C12orf50: variants seen among roughly 807,000 people sequenced by gnomAD.
C12orf50 encodes zinc finger CCCH-type containing 11D.
In C12orf50, 35 loss-of-function variants were observed where a neutral mutation model predicts 61.6. That is an observed-to-expected ratio of 0.57 (90% CI 0.43 to 0.75). C12orf50 has a LOEUF of 0.75. Among genes scored for constraint, C12orf50 ranks in the 30% least tolerant of loss-of-function variants. The probability of loss-of-function intolerance (pLI) is 0.00; values close to 1 mark genes in which losing one functional copy is unlikely to be tolerated. For synonymous variants in C12orf50, 178 were observed against 161.5 expected, an observed-to-expected ratio of 1.10 and a Z score of -0.77; for missense variants, 475 against 488.5, an observed-to-expected ratio of 0.97 and a Z score of 0.26.
At chr12:88,006,101 A>G (rs909358539) in intron 3 of C12orf50, among the ~76,000 whole-genome samples, 2 of 151,994 alleles carry the variant, frequency 1.3e-5, no homozygotes, top group Non-Finnish European at 2.9e-5. Context: ...TATTTTTAGT[A>G]GAGACAGGGT....
chr12:88,010,638 A>C (rs1306616827), intron 3 of C12orf50, among the ~76,000 whole-genome samples: 2 of 151,750 alleles, frequency 1.3e-5, no homozygotes, highest in Non-Finnish European at 2.9e-5. Context: ...GAAAAAATTT[A>C]ATCAAAAATG....
At chr12:88,023,029 A>T (rs1362708864) in intron 3 of C12orf50, among the ~76,000 whole-genome samples, 1 of 152,182 alleles carries the variant, frequency 6.6e-6, no homozygotes, top group Non-Finnish European at 1.5e-5. Context: ...TGGAACCCAA[A>T]AGGAGCCTAA....
At chr12:88,023,162 T>C (rs369852816) in intron 3 of C12orf50, among the ~76,000 whole-genome samples, 16 of 151,986 alleles carry the variant, frequency 1.1e-4, no homozygotes, top group African/African-American at 3.9e-4. Flanking sequence ...AAAACACACA[T>C]AGACCAATGG....
At chr12:88,014,244 A>AGTAT (rs1280855447) in intron 3 of C12orf50, among the ~76,000 whole-genome samples, 3 of 152,112 alleles carry the variant, frequency 2.0e-5, no homozygotes, top group Non-Finnish European at 2.9e-5. Context: ...AAAGCATTGG[A>AGTAT]GTATACTTTA....
At chr12:88,003,139 C>T (rs2031719560) in intron 3 of C12orf50, among the ~76,000 whole-genome samples, 1 of 151,690 alleles carries the variant, frequency 6.6e-6, no homozygotes, top group South Asian at 2.1e-4. Flanking sequence ...AGACTATTAA[C>T]CTTTTTATTT....
intron 3 of C12orf50, among the ~76,000 whole-genome samples, chr12:88,004,608 A>T (rs951189675): frequency 1.3e-5 from 2 of 152,212 alleles, no homozygotes; most frequent in African/African-American, 2.4e-5. Flanking sequence ...ACTATTCACA[A>T]TAGCAAAGAC....
intron 11 of C12orf50, chr12:87,985,082 A>G (rs1414991557): frequency 6.6e-6 from 1 of 151,964 alleles, no homozygotes; most frequent in Non-Finnish European, 1.5e-5. Flanking sequence ...TAAAAAATTT[A>G]TTAAATTATA....
chr12:87,989,250 A>G lies in C12orf50; in HGVS notation c.700+14T>C, dbSNP rs1346359461. Reference sequence around the variant, plus strand: ...CAAATTACAAATGAATCAAAATTATATAATATTCATTACCTTTAGTATTTG... The same window carrying G: ...CAAATTACAAATGAATCAAAATTATGTAATATTCATTACCTTTAGTATTTG... On this transcript the variant is annotated intron_variant, in intron 8 of 12. Coordinates refer to ENST00000298699, the MANE Select transcript of C12orf50 (RefSeq NM_152589.3). The G allele has an allele frequency of 6.5e-7, 1 of 1,539,146 alleles. No homozygotes were observed. Among genetic ancestry groups the G allele is most frequent in the South Asian group, 1.2e-5 (1 of 86,678 alleles).
chr12:87,993,228 C>A (rs563073861), intron 7 of C12orf50, among the ~76,000 whole-genome samples: 1 of 152,086 alleles, frequency 6.6e-6, no homozygotes, highest in African/African-American at 2.4e-5. Context: ...ATTAATGTTA[C>A]AACGTGAAGG....
At chr12:87,986,447 T>A in intron 9 of C12orf50, 31 bp from the exon 10 acceptor site, 1 of 1,485,354 alleles carries the variant, frequency 6.7e-7, no homozygotes, top group Non-Finnish European at 9.3e-7. Context: ...TACAATTTTT[T>A]AAGAGATGCT....
intron 3 of C12orf50, among the ~76,000 whole-genome samples, chr12:88,014,620 A>G (rs1368456844): frequency 6.6e-6 from 1 of 152,204 alleles, no homozygotes; most frequent in Non-Finnish European, 1.5e-5. Context: ...AGAGTCAGAC[A>G]GCACTATGTT....
At chr12:88,016,169 T>C (rs932054645) in intron 3 of C12orf50, among the ~76,000 whole-genome samples, 24 of 152,170 alleles carry the variant, frequency 1.6e-4, no homozygotes, top group Non-Finnish European at 1.9e-4. Flanking sequence ...TTTAAATATC[T>C]AAATTTTATC....
chr12:88,008,286 G>C (rs549615432), intron 3 of C12orf50, among the ~76,000 whole-genome samples: 1 of 151,940 alleles, frequency 6.6e-6, no homozygotes, highest in Admixed American at 6.6e-5. Flanking sequence ...TCATCATTTA[G>C]CTCCCATTTG....
chr12:88,020,377 A>C (rs1169132660), intron 3 of C12orf50, among the ~76,000 whole-genome samples: 1 of 152,200 alleles, frequency 6.6e-6, no homozygotes, highest in Non-Finnish European at 1.5e-5. Context: ...AAAACAAAAA[A>C]TATCAGGGGT....
intron 3 of C12orf50, among the ~76,000 whole-genome samples, chr12:88,001,189 A>G (rs1243543338): frequency 6.6e-6 from 1 of 151,634 alleles, no homozygotes; most frequent in East Asian, 1.9e-4. Context: ...TAGCTTGTGG[A>G]ATATTTTTTA....
Position 87,998,251 on chromosome 12 carries a change from A to C in C12orf50, c.134-61T>G, listed in dbSNP as rs377103454. On this transcript the variant is annotated intron_variant, in intron 3 of 12. Coordinates refer to ENST00000298699, the MANE Select transcript of C12orf50 (RefSeq NM_152589.3). ...ATATATGTGATGATAAGTAGATGTAACAATCAATCATTGCCCTCCTAATTA... is the reference window on the plus strand; with the variant it reads ...ATATATGTGATGATAAGTAGATGTACCAATCAATCATTGCCCTCCTAATTA... The C allele has an allele frequency of 3.4e-5, 45 of 1,338,062 alleles. 1 individual carries two copies. In the East Asian group the frequency reaches 9.4e-4, roughly 28 times the overall value. The allele number at this position is 1,338,062 out of a possible 1,614,324, so 82.9% of individuals were successfully genotyped here.
In C12orf50 at chr12:87,983,126, G is replaced by A; in HGVS notation, c.1196C>T (p.Ser399Leu). ...ACCTGGATATATCTTTTCACTTTTT[G>A]AATATGTTTTTGAAAAAGGAATTCG... ...RKRIPFSKTY[S>L]KSEKIYPEPR... Residue 399 changes from serine (S) to leucine (L), a missense_variant, in exon 12 of 13, where the codon TCA (serine) becomes TTA (leucine). By Grantham distance (145) the Ser-to-Leu change is moderately radical. Transcript: ENST00000298699. The A allele has an allele frequency of 6.3e-7, 1 of 1,593,582 alleles. No individual in the cohort carries two copies. Among genetic ancestry groups the A allele is most frequent in the Non-Finnish European group, 8.6e-7 (1 of 1,164,604 alleles).
At chr12:88,024,438 C>T (rs2032628441) in intron 3 of C12orf50, among the ~76,000 whole-genome samples, 1 of 152,162 alleles carries the variant, frequency 6.6e-6, no homozygotes, top group Non-Finnish European at 1.5e-5. Flanking sequence ...CCATGGATTA[C>T]TACACGCCAT....
At position 88,005,910 on chromosome 12, in the gene C12orf50, TG is replaced by T. The variant is rs1446730600; in HGVS notation, c.134-7721del. ...AAAGGACTATGTTTTTTTGTTTTTT[TG>T]GTTTTTTTTTTTTTTTTTTTTTTGA... On this transcript the variant is annotated intron_variant, in intron 3 of 12. Coordinates refer to ENST00000298699, the MANE Select transcript of C12orf50 (RefSeq NM_152589.3). 1.7e-3 allele frequency among the ~76,000 whole-genome samples: 236 copies of T among 139,048 alleles called. 5 individuals are homozygous for T. The highest frequency in any genetic ancestry group is 6.3e-3 in the African/African-American group (226 of 35,816). The allele number at this position is 139,048 out of a possible 152,430, so 91.2% of individuals were successfully genotyped here. A position where few individuals can be genotyped will look rare whatever the true frequency, so the allele number is the denominator to read the frequency against.
Sources: gnomAD v4.1 joint callset for allele counts (sites outside exome capture counted in the v4.1 genomes callset) on GRCh38, gnomAD v4.1.1 for gene constraint, MANE v1.5 for transcripts, NCBI Gene and HGNC (gene_info 2026-07-23, HGNC 2026-07-21) for gene names.